The following ERAP1 variants were observed in gnomAD, a reference collection of about 807,000 sequenced individuals.
ERAP1 encodes the protein endoplasmic reticulum aminopeptidase 1.
A neutral mutation model predicts 103.7 loss-of-function variants in ERAP1; 86 were observed. That is an observed-to-expected ratio of 0.83 (90% CI 0.70 to 0.99). The LOEUF (loss-of-function observed/expected upper bound fraction) is 0.99. ERAP1 is among the 50% of genes least tolerant of loss of function. The pLI is 0.00. For synonymous variants in ERAP1, 398 were observed against 402.4 expected, an observed-to-expected ratio of 0.99 and a Z score of 0.13; for missense variants, 1,009 against 1,128.4, an observed-to-expected ratio of 0.89 and a Z score of 1.52.
intron 13 of ERAP1, chr5:96,785,467 G>A: frequency 2.6e-6 from 1 of 378,642 alleles, no homozygotes; most frequent in Non-Finnish European, 5.1e-6. Context: ...AGAAGAAGCT[G>A]CGGGACCATG....
the ERAP1 span, among the ~76,000 whole-genome samples, chr5:96,841,116 C>G: frequency 6.6e-6 from 1 of 152,196 alleles, no homozygotes; most frequent in Admixed American, 6.5e-5. Flanking sequence ...TAAATTCATT[C>G]CCACCAGGGG....
At chr5:96,795,369 T>C (rs1454749145) in intron 4 of ERAP1, among the ~76,000 whole-genome samples, 1 of 152,204 alleles carries the variant, frequency 6.6e-6, no homozygotes, top group African/African-American at 2.4e-5. Flanking sequence ...CTGGATAACA[T>C]GTATAAAGTG....
Position 96,797,079 on chromosome 5 carries a change from C to T in ERAP1, c.798+96G>A, listed in dbSNP as rs917963804. 5 of 1,462,872 alleles carry T rather than the reference C, an allele frequency of 3.4e-6. No individual in the cohort carries two copies. The African/African-American group carries it at 5.6e-5, about 16-fold the overall frequency. The allele number at this position is 1,462,872 out of a possible 1,614,324, so 90.6% of individuals were successfully genotyped here. A position where few individuals can be genotyped will look rare whatever the true frequency, so the allele number is the denominator to read the frequency against. ...GTTGGGTTTATGTTGGGTTTACACG[C>T]ACGACCCACTGCGCTCAGGCAGACT... On this transcript the variant is annotated intron_variant, in intron 4 of 18. Transcript: ENST00000443439.
At chr5:96,886,919 C>A in the ERAP1 span, 1 of 904,012 alleles carries the variant, frequency 1.1e-6, no homozygotes, top group Non-Finnish European at 1.5e-6. Flanking sequence ...AGATAAAAAA[C>A]TAAGTTAAAA....
the ERAP1 span, chr5:96,823,206 C>T: frequency 2.2e-6 from 1 of 446,212 alleles, no homozygotes; most frequent in Non-Finnish European, 4.5e-6. Context: ...TCATACACAT[C>T]CTGTCACCTT....
upstream of ERAP1, among the ~76,000 whole-genome samples, chr5:96,812,182 AG>A (rs1779194528): frequency 6.6e-6 from 1 of 152,244 alleles, no homozygotes; most frequent in African/African-American, 2.4e-5. Context: ...ATCACAATTC[AG>A]TTATATAAAA....
intron 19 of ERAP1, chr5:96,763,312 T>G: frequency 1.3e-6 from 1 of 777,662 alleles, no homozygotes; most frequent in Non-Finnish European, 2.4e-6. Flanking sequence ...TCCTGGATTA[T>G]AATAAAGCAC....
At chr5:96,914,109 A>G in the ERAP1 span, among the ~76,000 whole-genome samples, 3 of 149,562 alleles carry the variant, frequency 2.0e-5, no homozygotes, top group Middle Eastern at 3.5e-3. Context: ...AATGGAATGT[A>G]TAAGACAGCA....
At chr5:96,827,668 T>C in the ERAP1 span, among the ~76,000 whole-genome samples, 2 of 151,894 alleles carry the variant, frequency 1.3e-5, no homozygotes, top group Non-Finnish European at 1.5e-5. Flanking sequence ...CATCTCAAAA[T>C]AAATAAATAA....
chr5:96,830,690 T>C, the ERAP1 span, among the ~76,000 whole-genome samples: 1 of 152,134 alleles, frequency 6.6e-6, no homozygotes, highest in Non-Finnish European at 1.5e-5. Context: ...ACAAAGAATA[T>C]TGTTTAGTAA....
chr5:96,800,821 G>A (rs1469516082), intron 3 of ERAP1, 41 bp downstream of exon 3: 3 of 1,610,616 alleles, frequency 1.9e-6, no homozygotes, highest in Admixed American at 3.3e-5. Flanking sequence ...CAGAGAATCA[G>A]TAGATTTTCC....
At chr5:96,883,953 T>A in the ERAP1 span, 6 of 1,549,756 alleles carry the variant, frequency 3.9e-6, no homozygotes, top group Admixed American at 1.3e-4. Context: ...CCAGAAACTT[T>A]TAGAAATTGT....
At position 96,781,778 on chromosome 5, in the gene ERAP1, T is replaced by C. The variant is rs993703459; in HGVS notation, c.2362A>G (p.Lys788Glu). 3 of 1,614,064 alleles carry C rather than the reference T, an allele frequency of 1.9e-6. No individual in the cohort carries two copies. The highest frequency in any genetic ancestry group is 3.3e-5 in the Admixed American group (2 of 60,002). ...STEGWDFLYS[K>E]YQFSLSSTEK... Reference sequence around the variant, plus strand: ...GTACTGGACAAAGAAAACTGATATTTACTATAAAGAAAATCCCAGCCTTCT... The same window carrying C: ...GTACTGGACAAAGAAAACTGATATTCACTATAAAGAAAATCCCAGCCTTCT... The change falls in exon 16 of 19, where the codon AAA becomes GAA. Residue 788 changes from lysine (K) to glutamate (E), a missense_variant. Physicochemically the swap from Lys to Glu is moderately conservative, Grantham distance 56. Coordinates refer to ENST00000443439, the MANE Select transcript of ERAP1 (RefSeq NM_001040458.3).
intron 5 of ERAP1, among the ~76,000 whole-genome samples, chr5:96,794,229 C>CTGGAG (rs1777084638): frequency 8.4e-6 from 1 of 119,560 alleles, no homozygotes; most frequent in Non-Finnish European, 1.6e-5. Context: ...GTCACCCATA[C>CTGGAG]TGGAGTGCAT....
chr5:96,762,937 C>G (rs1309438524), exon 20 of ERAP1: 1 of 542,348 alleles, frequency 1.8e-6, no homozygotes, highest in Non-Finnish European at 3.3e-6. Flanking sequence ...TGCTGTGAGG[C>G]AAGGCTGTGG....
At chr5:96,783,847 ACACACACATACACACAC>A in intron 14 of ERAP1, 60 bp downstream of exon 14, 1 of 392,814 alleles carries the variant, frequency 2.5e-6, no homozygotes, top group Admixed American at 7.4e-5. Flanking sequence ...ACACACACAC[ACACACACATACACACAC>A]AATGATTAAC....
chr5:96,768,643 T>C lies in ERAP1; in HGVS notation c.2819-5415A>G, dbSNP rs958250369. On this transcript the variant is annotated intron_variant, in intron 19 of 19. Coordinates refer to the ERAP1 transcript ENST00000296754. The stretch of plus-strand genomic sequence containing the variant: ...TCCACACTATATGGTTGTGCCACAA[T>C]AATGCTATGTCTGTGTTCATTTAAA... 1.5e-4 allele frequency among the ~76,000 whole-genome samples: 23 copies of C among 152,236 alleles called. 1 individual carries two copies. Among genetic ancestry groups the C allele is most frequent in the Admixed American group, 1.3e-3 (20 of 15,280 alleles).
intron 7 of ERAP1, among the ~76,000 whole-genome samples, chr5:96,792,610 A>G (rs1232423502): frequency 1.3e-5 from 2 of 152,230 alleles, no homozygotes. Context: ...AACCAGCTTT[A>G]TTAGAGCACA....
chr5:96,836,279 G>A, the ERAP1 span, among the ~76,000 whole-genome samples: 5 of 147,272 alleles, frequency 3.4e-5, no homozygotes, highest in African/African-American at 1.3e-4. Flanking sequence ...TGGGCTCACT[G>A]CAACCTCTAC....
Sources: allele counts gnomAD v4.1 joint callset (sites outside exome capture counted in the v4.1 genomes callset), GRCh38; gene constraint gnomAD v4.1.1; transcripts MANE v1.5; gene names NCBI Gene and HGNC (gene_info 2026-07-23, HGNC 2026-07-21).